The following ADGRL3 variants were observed in gnomAD, a reference collection of about 807,000 sequenced individuals.
ADGRL3 encodes the protein adhesion G protein-coupled receptor L3, also known as calcium-independent alpha-latrotoxin receptor 3.
ADGRL3 carries 62 observed loss-of-function variants against 153.5 expected under a neutral mutation model. The observed-to-expected ratio is 0.40, with a 90% CI of 0.33 to 0.50. The LOEUF is 0.50. Among genes scored for constraint, ADGRL3 ranks in the 20% least tolerant of loss-of-function variants. The probability of loss-of-function intolerance (pLI) is 0.47; values close to 1 mark genes in which losing one functional copy is unlikely to be tolerated. For synonymous variants in ADGRL3, 710 were observed against 672.5 expected (o/e 1.06, Z -0.86); for missense variants, 1,641 against 1,859.4 (o/e 0.88, Z 2.16).
Position 61,959,416 on chromosome 4 carries a change from G to C in ADGRL3, c.2805+11140G>C, listed in dbSNP as rs2098979684. ...ACATTGATCTTTATTATCTTTAAAAGACTTCACTTTCTTTAGTTTGATGAT... is the reference window on the plus strand; with the variant it reads ...ACATTGATCTTTATTATCTTTAAAACACTTCACTTTCTTTAGTTTGATGAT... On this transcript the variant is annotated intron_variant, in intron 17 of 26. Transcript: ENST00000683033. Among the ~76,000 whole-genome samples the C allele has an allele frequency of 3.3e-5, 5 of 152,004 alleles. No homozygotes were observed. In the South Asian group the frequency reaches 1.0e-3, roughly 32 times the overall value.
At chr4:61,543,193 C>G (rs2098698865) in intron 4 of ADGRL3, among the ~76,000 whole-genome samples, 1 of 146,492 alleles carries the variant, frequency 6.8e-6, no homozygotes, top group African/African-American at 2.5e-5. Context: ...TCCCTGGAAC[C>G]TGAGAATTTC....
At chr4:61,837,594 C>G (rs2097955839) in intron 9 of ADGRL3, among the ~76,000 whole-genome samples, 1 of 152,074 alleles carries the variant, frequency 6.6e-6, no homozygotes, top group Admixed American at 6.6e-5. Context: ...TGTTCTCTTT[C>G]TACCCACTAG....
chr4:62,003,698 A>C (rs913629170), intron 21 of ADGRL3, among the ~76,000 whole-genome samples: 11 of 152,162 alleles, frequency 7.2e-5, no homozygotes, highest in African/African-American at 2.7e-4. Context: ...AGCTTTGCTC[A>C]GCCTCTATCA....
intron 8 of ADGRL3, among the ~76,000 whole-genome samples, chr4:61,739,429 C>T (rs2096557689): frequency 2.0e-5 from 3 of 152,030 alleles, no homozygotes; most frequent in Admixed American, 2.0e-4. Context: ...GAGCCTCAGC[C>T]CCCTGAGTAG....
chr4:61,774,392 A>G (rs1580759985), intron 8 of ADGRL3, among the ~76,000 whole-genome samples: 1 of 151,332 alleles, frequency 6.6e-6, no homozygotes, highest in East Asian at 1.9e-4. Context: ...GAAAAAATTC[A>G]GGAAAGGGAA....
intron 17 of ADGRL3, among the ~76,000 whole-genome samples, chr4:61,953,638 A>G (rs1413588401): frequency 2.6e-5 from 4 of 152,198 alleles, no homozygotes; most frequent in African/African-American, 9.6e-5. Context: ...AAGTGGAGAT[A>G]GGGAAGAAGG....
chr4:61,738,990 C>G (rs1332492476), intron 8 of ADGRL3, among the ~76,000 whole-genome samples: 1 of 152,134 alleles, frequency 6.6e-6, no homozygotes, highest in Non-Finnish European at 1.5e-5. Flanking sequence ...TTTTGGAACA[C>G]TATCCTGTTG....
rs74393135 is a variant in ADGRL3, at chr4:61,716,559, G to A, written c.584-14063G>A. 9.1e-3 allele frequency among the ~76,000 whole-genome samples: 1,391 copies of A among 152,158 alleles called. 9 individuals carry two copies. Among genetic ancestry groups the A allele is most frequent in the Non-Finnish European group, 0.014 (958 of 67,974 alleles). ...CTGGTAGTAAATGTTTTAATCTATC[G>A]ATGTCATGGAGAAATGCTACATTAG... On this transcript the variant is annotated intron_variant, in intron 6 of 26. Coordinates refer to ENST00000683033, the MANE Select transcript of ADGRL3 (RefSeq NM_001387552.1).
chr4:61,919,911 T>A (rs2098760920), intron 13 of ADGRL3, among the ~76,000 whole-genome samples: 1 of 152,198 alleles, frequency 6.6e-6, no homozygotes. Context: ...TGTATATACA[T>A]GGTTTGTGAA....
intron 6 of ADGRL3, among the ~76,000 whole-genome samples, chr4:61,707,144 A>G (rs2095870483): frequency 6.6e-6 from 1 of 152,190 alleles, no homozygotes; most frequent in Non-Finnish European, 1.5e-5. Flanking sequence ...GCGTTTATTA[A>G]GTTCACCATC....
At chr4:61,358,259 G>A (rs181974225) in intron 1 of ADGRL3, among the ~76,000 whole-genome samples, 4 of 152,250 alleles carry the variant, frequency 2.6e-5, no homozygotes, top group East Asian at 1.9e-4. Context: ...GTTGTATCAT[G>A]TTATTTTTCT....
At chr4:61,928,124 A>C in intron 13 of ADGRL3, among the ~76,000 whole-genome samples, 1 of 151,762 alleles carries the variant, frequency 6.6e-6, no homozygotes, top group East Asian at 1.9e-4. Flanking sequence ...AGGAAAACAT[A>C]TTTAAAAAGT....
intron 13 of ADGRL3, among the ~76,000 whole-genome samples, chr4:61,927,097 T>C: frequency 6.6e-6 from 1 of 152,220 alleles, no homozygotes; most frequent in East Asian, 1.9e-4. Flanking sequence ...TTTAATTGCC[T>C]GGCCTCACTA....
At chr4:61,998,561 G>T (rs567221503) in intron 21 of ADGRL3, among the ~76,000 whole-genome samples, 81 of 151,578 alleles carry the variant, frequency 5.3e-4, no homozygotes, top group African/African-American at 2.0e-3. Flanking sequence ...ATTTAGGGCA[G>T]GTTATTCTTT....
Position 62,077,368 on chromosome 4 carries a change from G to A in ADGRL3, c.*6460G>A, listed in dbSNP as rs186398350. The A allele has an allele frequency of 2.8e-4, 43 of 152,020 alleles. No individual in the cohort carries two copies. Among genetic ancestry groups the A allele is most frequent in the African/African-American group, 9.1e-4 (38 of 41,534 alleles). 9.4% of individuals were successfully genotyped at this position (152,020 alleles called of 1,614,324 possible). A position where few individuals can be genotyped will look rare whatever the true frequency, so the allele number is the denominator to read the frequency against. Reference sequence around the variant, plus strand: ...AGTTAAGTTTGTCTCAATGATCCAAGACTACAAAATTTCTTGCTACATTGG... The same window carrying A: ...AGTTAAGTTTGTCTCAATGATCCAAAACTACAAAATTTCTTGCTACATTGG... On this transcript the variant is annotated 3_prime_UTR_variant, in exon 27 of 27. Coordinates refer to ENST00000683033, the MANE Select transcript of ADGRL3 (RefSeq NM_001387552.1).
At chr4:61,744,903 G>A (rs138393467) in intron 8 of ADGRL3, among the ~76,000 whole-genome samples, 13,192 of 152,116 alleles carry the variant, frequency 0.087, 1,213 homozygotes, top group African/African-American at 0.23. Context: ...GCCTTCAGAC[G>A]ATCAAACTAC....
chr4:61,849,224 A>G (rs2098172048), intron 9 of ADGRL3, among the ~76,000 whole-genome samples: 4 of 152,058 alleles, frequency 2.6e-5, no homozygotes, highest in Admixed American at 2.6e-4. Flanking sequence ...CATAACCTTT[A>G]CCACAATGTC....
At chr4:61,287,543 A>G (rs1434796137) in intron 1 of ADGRL3, among the ~76,000 whole-genome samples, 2 of 152,008 alleles carry the variant, frequency 1.3e-5, no homozygotes, top group African/African-American at 4.8e-5. Context: ...GTTACTGTTT[A>G]TGTGCATTAC....
chr4:61,886,029 A>G (rs575444544), intron 9 of ADGRL3, among the ~76,000 whole-genome samples: 1 of 152,308 alleles, frequency 6.6e-6, no homozygotes, highest in East Asian at 1.9e-4. Context: ...AGCTTCCTCA[A>G]TATCCTTGCC....
Sources: allele counts gnomAD v4.1 joint callset (sites outside exome capture counted in the v4.1 genomes callset), GRCh38; gene constraint gnomAD v4.1.1; transcripts MANE v1.5; gene names NCBI Gene and HGNC (gene_info 2026-07-23, HGNC 2026-07-21).